SCIMP: variants seen among roughly 807,000 people sequenced by gnomAD.
SCIMP encodes the protein SLP adapter and CSK-interacting membrane protein.
Under a neutral mutation model 22.0 loss-of-function variants are expected in SCIMP, and 18 were observed. The ratio of observed to expected loss-of-function variants is 0.82; its 90% CI spans 0.56 to 1.21. SCIMP has a LOEUF of 1.21. Among genes scored for constraint, SCIMP ranks in the 50% most tolerant of loss-of-function variants. The probability of loss-of-function intolerance (pLI) is 0.00; values close to 1 mark genes in which losing one functional copy is unlikely to be tolerated. For missense variants in SCIMP, 155 were observed against 171.2 expected (o/e 0.91, Z 0.53); for synonymous variants, 53 against 62.2 (o/e 0.85, Z 0.70).
intron 1 of SCIMP, among the ~76,000 whole-genome samples, chr17:5,231,593 T>C (rs2585290): frequency 1 from 151,507 of 152,192 alleles, 75,411 homozygotes; most frequent in South Asian, 1. Context: ...TTGCACAGAT[T>C]GCCGATGTCC....
chr17:5,212,320 C>G (rs1016882742), intron 4 of SCIMP, among the ~76,000 whole-genome samples: 3 of 152,108 alleles, frequency 2.0e-5, no homozygotes, highest in Non-Finnish European at 4.4e-5. Flanking sequence ...GCATCCTCAT[C>G]TGTCACAGAG....
At chr17:5,222,600 G>C (rs1246579210) in intron 2 of SCIMP, among the ~76,000 whole-genome samples, 16 of 152,154 alleles carry the variant, frequency 1.1e-4, no homozygotes. Flanking sequence ...TCTCAGAGAA[G>C]GCAATCATGG....
chr17:5,213,316 A>G (rs973727140), intron 4 of SCIMP: 274 of 891,762 alleles, frequency 3.1e-4, no homozygotes, highest in Admixed American at 5.6e-4. Flanking sequence ...CAGTGATGCT[A>G]TCGTGGCTCA....
chr17:5,231,017 C>T (rs2074689743), intron 1 of SCIMP, among the ~76,000 whole-genome samples: 1 of 152,174 alleles, frequency 6.6e-6, no homozygotes, highest in Non-Finnish European at 1.5e-5. Context: ...TAGCTTCCTG[C>T]TGGATAACAT....
chr17:5,215,647 C>T (rs1170382187), intron 3 of SCIMP, among the ~76,000 whole-genome samples: 1 of 152,052 alleles, frequency 6.6e-6, no homozygotes, highest in Non-Finnish European at 1.5e-5. Context: ...AAAACAAAAG[C>T]AGATGAACTC....
intron 4 of SCIMP, among the ~76,000 whole-genome samples, chr17:5,211,380 C>T (rs940276755): frequency 6.6e-6 from 1 of 151,906 alleles, no homozygotes; most frequent in Admixed American, 6.6e-5. Context: ...AAAAATTAGC[C>T]GGATGTGGTG....
rs149662405 is a variant in SCIMP, at chr17:5,212,591, G to A, written c.284-1636C>T. ...GGAGCTTGCAGTGAGCCGAGATTGC[G>A]CCACTGCACTCCAGCCTGGGCGACA... On this transcript the variant is annotated intron_variant, in intron 4 of 4. Coordinates refer to ENST00000574081, the MANE Select transcript of SCIMP (RefSeq NM_207103.3). 7.0e-3 allele frequency among the ~76,000 whole-genome samples: 1,058 copies of A among 152,038 alleles called. 12 individuals carry two copies. The highest frequency in any genetic ancestry group is 0.024 in the African/African-American group (1,007 of 41,454).
intron 3 of SCIMP, among the ~76,000 whole-genome samples, chr17:5,216,671 C>CA (rs947721122): frequency 1.3e-5 from 2 of 151,230 alleles, no homozygotes; most frequent in Non-Finnish European, 2.9e-5. Context: ...ATCTCAAAAA[C>CA]AAAAAAACAA....
chr17:5,229,418 G>C (rs1035296440), intron 1 of SCIMP, among the ~76,000 whole-genome samples: 5 of 106,654 alleles, frequency 4.7e-5, no homozygotes, highest in Non-Finnish European at 6.9e-5. Context: ...TTTTGAGACA[G>C]AGTCTTGCTC....
chr17:5,232,172 G>A (rs2074703120), intron 1 of SCIMP, among the ~76,000 whole-genome samples: 1 of 152,254 alleles, frequency 6.6e-6, no homozygotes, highest in South Asian at 2.1e-4. Flanking sequence ...GGATGGGCTG[G>A]CAAAGACATT....
At chr17:5,218,226 A>G (rs1001185558) in intron 3 of SCIMP, among the ~76,000 whole-genome samples, 6 of 151,642 alleles carry the variant, frequency 4.0e-5, no homozygotes, top group African/African-American at 1.2e-4. Flanking sequence ...GGTCCCCACT[A>G]TGTTGCCCAG....
intron 1 of SCIMP, among the ~76,000 whole-genome samples, chr17:5,232,390 G>GTGTAAACAGTGCAA (rs1376311003): frequency 6.6e-6 from 1 of 151,680 alleles, no homozygotes; most frequent in Non-Finnish European, 1.5e-5. Context: ...AAACAGTGCA[G>GTGTAAACAGTGCAA]TATAAACAGT....
intron 1 of SCIMP, among the ~76,000 whole-genome samples, chr17:5,225,264 A>G (rs2074638695): frequency 6.6e-6 from 1 of 152,170 alleles, no homozygotes; most frequent in African/African-American, 2.4e-5. Context: ...CAGGAGTTCA[A>G]GACCAGCCTG....
chr17:5,220,900 A>G, intron 3 of SCIMP: 1 of 343,218 alleles, frequency 2.9e-6, no homozygotes, highest in Middle Eastern at 1.1e-3. Flanking sequence ...TCTACTAAAA[A>G]TACAAAAATT....
At chr17:5,231,996 C>T (rs2074700109) in intron 1 of SCIMP, among the ~76,000 whole-genome samples, 1 of 151,958 alleles carries the variant, frequency 6.6e-6, no homozygotes, top group African/African-American at 2.4e-5. Flanking sequence ...GCGGAGCTTG[C>T]AGTGAGCCGA....
chr17:5,224,245 C>T (rs2074630565), intron 1 of SCIMP, among the ~76,000 whole-genome samples: 1 of 151,852 alleles, frequency 6.6e-6, no homozygotes, highest in African/African-American at 2.4e-5. Context: ...CATCATTCTC[C>T]TGCCTCAGCC....
At chr17:5,212,449 A>G (rs777519563) in intron 4 of SCIMP, among the ~76,000 whole-genome samples, 5 of 152,170 alleles carry the variant, frequency 3.3e-5, no homozygotes, top group Non-Finnish European at 5.9e-5. Flanking sequence ...CCTTGCTAAC[A>G]TGGTGAAACC....
chr17:5,234,724 G>A lies in SCIMP; in HGVS notation c.21+11C>T. The A allele has an allele frequency of 1.2e-6, 2 of 1,612,024 alleles. No individual in the cohort carries two copies. The highest frequency in any genetic ancestry group is 1.7e-6 in the Non-Finnish European group (2 of 1,179,196). ...GCAGGAAACTGTCCCTTGGAAAGCTGAGATGCTTACCTGAACTGTGAAAGT... is the reference window on the plus strand; with the variant it reads ...GCAGGAAACTGTCCCTTGGAAAGCTAAGATGCTTACCTGAACTGTGAAAGT... On this transcript the variant is annotated intron_variant, in intron 1 of 4. Transcript: ENST00000574081.
chr17:5,232,375 A>AGT lies in SCIMP; in HGVS notation c.21+2358_21+2359dup, dbSNP rs879623530. 5.2e-3 allele frequency among the ~76,000 whole-genome samples: 777 copies of AGT among 148,420 alleles called. 24 individuals are homozygous for AGT. The highest frequency in any genetic ancestry group is 7.9e-3 in the Non-Finnish European group (528 of 66,718). On this transcript the variant is annotated intron_variant, in intron 1 of 4. Coordinates refer to ENST00000574081, the MANE Select transcript of SCIMP (RefSeq NM_207103.3). The stretch of plus-strand genomic sequence containing the variant: ...ATAAACAGTGCAGTGTAAACAGTGC[A>AGT]GTATAAACAGTGCAGTATAAACAGT...
Sources: allele counts gnomAD v4.1 joint callset (sites outside exome capture counted in the v4.1 genomes callset), GRCh38; gene constraint gnomAD v4.1.1; transcripts MANE v1.5; gene names NCBI Gene and HGNC (gene_info 2026-07-23, HGNC 2026-07-21).